Variants in PNPLA7 observed in about 807,000 individuals in gnomAD.
PNPLA7 encodes the protein patatin-like phospholipase domain-containing protein 7.
In PNPLA7, 153 loss-of-function variants were observed where a neutral mutation model predicts 161.7. The ratio of observed to expected loss-of-function variants is 0.95; its 90% CI spans 0.83 to 1.08. The LOEUF (loss-of-function observed/expected upper bound fraction) is 1.08, where lower values mean the gene tolerates loss of function less well. PNPLA7 is among the 50% of genes least tolerant of loss of function. The probability of loss-of-function intolerance (pLI) is 0.00; values close to 1 mark genes in which losing one functional copy is unlikely to be tolerated. For missense variants in PNPLA7, 1,739 were observed against 1,856.6 expected (o/e 0.94, Z 1.16); for synonymous variants, 809 against 782.1 (o/e 1.03, Z -0.57).
rs961068408 is a variant in PNPLA7, at chr9:137,467,771, G to T, written c.2883-298C>A. Among the ~76,000 whole-genome samples, 1 of 152,108 alleles carries T rather than the reference G, an allele frequency of 6.6e-6. No homozygotes were observed. The highest frequency in any genetic ancestry group is 1.5e-5 in the Non-Finnish European group (1 of 68,018). ...AAATTAGCCAGGCGTGGTGGTGCGCGCCTGTAATCCCAGCTACTCGGGAGG... is the reference window on the plus strand; with the variant it reads ...AAATTAGCCAGGCGTGGTGGTGCGCTCCTGTAATCCCAGCTACTCGGGAGG... On this transcript the variant is annotated intron_variant, in intron 25 of 34. Transcript: ENST00000406427. This position sits in a 1 kb window ranked among gnomAD's most constrained non-coding sequence, Gnocchi z 5.1.
In PNPLA7 at chr9:137,540,559, C is replaced by G; in HGVS notation, c.747+83G>C. 1 of 1,258,680 alleles carries G rather than the reference C, an allele frequency of 7.9e-7. No homozygotes were observed. The allele number at this position is 1,258,680 out of a possible 1,614,324, so 78.0% of individuals were successfully genotyped here. On this transcript the variant is annotated intron_variant, in intron 8 of 34. Coordinates refer to ENST00000406427, the MANE Select transcript of PNPLA7 (RefSeq NM_001098537.3). The surrounding 1 kb of genome is among the most constrained non-coding windows in gnomAD (Gnocchi z 5.1). ...GTGGAGAACTGGCCTTTAACCACTACCAGCTGTCCAGACAAGACAGAAAAA... is the reference window on the plus strand; with the variant it reads ...GTGGAGAACTGGCCTTTAACCACTAGCAGCTGTCCAGACAAGACAGAAAAA...
In PNPLA7 at chr9:137,541,006, G is replaced by C. The variant is rs1413767820; in HGVS notation, c.667-284C>G. On this transcript the variant is annotated intron_variant, in intron 7 of 34. Transcript: ENST00000406427. This position sits in a 1 kb window ranked among gnomAD's most constrained non-coding sequence, Gnocchi z 4.4. Reference sequence around the variant, plus strand: ...GGGGACTGAGGCAAAAGCTCGCAGAGCCTGTTTGTTTGCTGAGCTAACTAT... The same window carrying C: ...GGGGACTGAGGCAAAAGCTCGCAGACCCTGTTTGTTTGCTGAGCTAACTAT... Among the ~76,000 whole-genome samples, 1 of 152,174 alleles carries C rather than the reference G, an allele frequency of 6.6e-6. No homozygotes were observed. The highest frequency in any genetic ancestry group is 1.5e-5 in the Non-Finnish European group (1 of 68,032).
At chr9:137,548,167 G>A (rs1836643494) in intron 1 of PNPLA7, among the ~76,000 whole-genome samples, 1 of 152,250 alleles carries the variant, frequency 6.6e-6, no homozygotes, top group Non-Finnish European at 1.5e-5. Context: ...AGGTCCGCGG[G>A]AGGGAGGGAA....
In PNPLA7 at chr9:137,486,205, G is replaced by C. The variant is rs1159806015; in HGVS notation, c.2198-1469C>G. On this transcript the variant is annotated intron_variant, in intron 20 of 34. Transcript: ENST00000406427. This position sits in a 1 kb window ranked among gnomAD's most constrained non-coding sequence, Gnocchi z 6.0. Reference sequence around the variant, plus strand: ...AGTAAGGGGACGCGGCATGGTGAGGGAAGAGGCCAGGAGAGCAAGCCTGGG... The same window carrying C: ...AGTAAGGGGACGCGGCATGGTGAGGCAAGAGGCCAGGAGAGCAAGCCTGGG... 1.3e-5 allele frequency among the ~76,000 whole-genome samples: 2 copies of C among 152,068 alleles called. No homozygotes were observed. The highest frequency in any genetic ancestry group is 2.9e-5 in the Non-Finnish European group (2 of 68,016).
chr9:137,511,719 G>A (rs1325811953), intron 12 of PNPLA7, among the ~76,000 whole-genome samples: 1 of 152,226 alleles, frequency 6.6e-6, no homozygotes, highest in African/African-American at 2.4e-5. Flanking sequence ...GTGCTTCAGT[G>A]GTCACGCTCC....
intron 11 of PNPLA7, 134 bp from the exon 12 acceptor site, chr9:137,515,653 C>T (rs1834497675): frequency 5.2e-6 from 6 of 1,159,930 alleles, no homozygotes; most frequent in Non-Finnish European, 2.3e-6. Flanking sequence ...GACCAGCCCA[C>T]CGGCCACCAG....
intron 8 of PNPLA7, among the ~76,000 whole-genome samples, chr9:137,531,470 G>A (rs1588692765): frequency 6.6e-6 from 1 of 152,222 alleles, no homozygotes; most frequent in South Asian, 2.1e-4. Context: ...GGGAAGCCCA[G>A]GTGGACACGC....
chr9:137,538,716 G>A (rs541851782), intron 8 of PNPLA7, among the ~76,000 whole-genome samples: 1 of 152,312 alleles, frequency 6.6e-6, no homozygotes, highest in South Asian at 2.1e-4. Flanking sequence ...TTCACTGCAT[G>A]TAGGTTTTAC....
chr9:137,480,829 G>A, intron 22 of PNPLA7, 131 bp downstream of exon 22: 2 of 1,029,744 alleles, frequency 1.9e-6, no homozygotes, highest in South Asian at 2.9e-5. Context: ...CACGTCATCA[G>A]CCCTCACACC....
chr9:137,506,098 GACACTCAGGAC>G lies in PNPLA7; in HGVS notation c.1226-26_1226-16del, dbSNP rs1295514747. On this transcript the variant is annotated splice_polypyrimidine_tract_variant and intron_variant, in intron 12 of 34. Coordinates refer to ENST00000406427, the MANE Select transcript of PNPLA7 (RefSeq NM_001098537.3). ...GCCTGGGCCCCCTACACACAGAGGG[GACACTCAGGAC>G]ACGGTTCGCTAGGCCACTGACACAA... The G allele has an allele frequency of 6.2e-7, 1 of 1,600,718 alleles. No homozygotes were observed. The highest frequency in any genetic ancestry group is 2.2e-5 in the East Asian group (1 of 44,528).
At chr9:137,522,264 C>CG (rs1454370025) in intron 9 of PNPLA7, among the ~76,000 whole-genome samples, 2 of 151,156 alleles carry the variant, frequency 1.3e-5, no homozygotes, top group African/African-American at 4.9e-5. Flanking sequence ...TTAGCAGAGA[C>CG]GGGGTTTCAC....
At chr9:137,503,967 AAGAAGAAGAAGGAAGAAGAAAG>A (rs1833737812) in intron 14 of PNPLA7, among the ~76,000 whole-genome samples, 1 of 123,992 alleles carries the variant, frequency 8.1e-6, no homozygotes, top group Admixed American at 8.2e-5. Flanking sequence ...AGGAAGAAGG[AAGAAGAAGAAGGAAGAAGAAAG>A]AAGCAAGAAG....
At chr9:137,487,788 G>A (rs910310108) in intron 20 of PNPLA7, among the ~76,000 whole-genome samples, 12 of 152,120 alleles carry the variant, frequency 7.9e-5, no homozygotes, top group Non-Finnish European at 1.3e-4. Context: ...GCTGGCCCCC[G>A]AGAGGCCGTC....
chr9:137,502,993 C>G (rs1308190096), intron 14 of PNPLA7, among the ~76,000 whole-genome samples: 1 of 151,810 alleles, frequency 6.6e-6, no homozygotes, highest in Non-Finnish European at 1.5e-5. Flanking sequence ...GTGGTGTGAT[C>G]GTTACTGTGA....
At chr9:137,498,952 T>C (rs557098412) in intron 16 of PNPLA7, among the ~76,000 whole-genome samples, 30 of 152,188 alleles carry the variant, frequency 2.0e-4, no homozygotes, top group African/African-American at 7.0e-4. Context: ...AATCAGGATC[T>C]GCTTTGCACA....
chr9:137,505,759 G>C lies in PNPLA7; in HGVS notation c.1328C>G (p.Ser443Cys). 6.2e-7 allele frequency: 1 copy of C among 1,613,846 alleles called. No homozygotes were observed. Among genetic ancestry groups the C allele is most frequent in the Non-Finnish European group, 8.5e-7 (1 of 1,179,872 alleles). ...EHPGSSVASK[S>C]RKSVMVAEIP... ...CTCTGCAACCATCACGCTTTTCCTG[G>C]ACTGGAGAAGAACGGAGATACCGGC... Residue 443 changes from serine (S) to cysteine (C), a missense_variant and splice_region_variant, in exon 14 of 35, where the codon TCC becomes TGC. Ser to Cys is a moderately radical substitution (Grantham distance 112). This residue lies in a region of PNPLA7 where 481 missense variants were observed against 450.0 expected (regional missense o/e 1.07). Coordinates refer to ENST00000406427, the MANE Select transcript of PNPLA7 (RefSeq NM_001098537.3).
At chr9:137,469,742 A>G (rs1214028624) in intron 25 of PNPLA7, among the ~76,000 whole-genome samples, 1 of 152,236 alleles carries the variant, frequency 6.6e-6, no homozygotes, top group East Asian at 1.9e-4. Context: ...GAAGATTGAC[A>G]AAGATGAAAG....
rs1010570734 is a variant in PNPLA7, at chr9:137,500,122, G to A, written c.1757+569C>T. On this transcript the variant is annotated intron_variant, in intron 16 of 34. Transcript: ENST00000406427. The surrounding 1 kb of genome is among the most constrained non-coding windows in gnomAD (Gnocchi z 5.5). ...TGGAGGGGCCAAATCTGAGACTTAC[G>A]GGCTGGGGTCAAGTGGACAGATGTC... is the stretch of plus-strand genomic sequence containing the variant. 2.0e-5 allele frequency among the ~76,000 whole-genome samples: 3 copies of A among 148,932 alleles called. No individual in the cohort carries two copies. Among genetic ancestry groups the A allele is most frequent in the Non-Finnish European group, 4.5e-5 (3 of 66,048 alleles).
intron 8 of PNPLA7, among the ~76,000 whole-genome samples, chr9:137,533,689 C>T (rs557199659): frequency 1.3e-5 from 2 of 150,400 alleles, no homozygotes; most frequent in South Asian, 4.3e-4. Context: ...AGTGTCCACT[C>T]CAGATGGGAG....
Sources: gnomAD v4.1 joint callset for allele counts (sites outside exome capture counted in the v4.1 genomes callset) on GRCh38, gnomAD v4.1.1 for gene constraint, gnomAD v4.1.1 regional missense constraint, Gnocchi (gnomAD v3.1) non-coding constraint, MANE v1.5 for transcripts, NCBI Gene and HGNC (gene_info 2026-07-23, HGNC 2026-07-21) for gene names.